MOB3B: variants seen among roughly 807,000 people sequenced by gnomAD.
MOB3B encodes MOB kinase activator 3B, also known as MOB kinase activator-like 2B.
In MOB3B, 7 loss-of-function variants were observed where a neutral mutation model predicts 18.7. That is an observed-to-expected ratio of 0.37 (90% CI 0.21 to 0.70). MOB3B has a LOEUF of 0.70. Among genes scored for constraint, MOB3B ranks in the 30% least tolerant of loss-of-function variants. MOB3B has a pLI of 0.52. For synonymous variants in MOB3B, 111 were observed against 99.9 expected (o/e 1.11, Z -0.66); for missense variants, 253 against 281.3 (o/e 0.90, Z 0.72).
chr9:27,380,089 A>G (rs570624202), intron 2 of MOB3B, among the ~76,000 whole-genome samples: 55 of 152,066 alleles, frequency 3.6e-4, no homozygotes, highest in Middle Eastern at 6.8e-3. Flanking sequence ...AGCTGGATCA[A>G]CCCCTGTATC....
intron 2 of MOB3B, among the ~76,000 whole-genome samples, chr9:27,400,935 T>A (rs562201212): frequency 6.6e-6 from 1 of 152,348 alleles, no homozygotes; most frequent in Admixed American, 6.5e-5. Context: ...ATCACAAGGT[T>A]CCTCATTTCC....
intron 2 of MOB3B, among the ~76,000 whole-genome samples, chr9:27,437,543 T>A (rs146886451): frequency 6.6e-6 from 1 of 152,344 alleles, no homozygotes; most frequent in East Asian, 1.9e-4. Context: ...TTGATGAATA[T>A]GACGAATATA....
intron 1 of MOB3B, among the ~76,000 whole-genome samples, chr9:27,489,551 T>C (rs1819782389): frequency 6.6e-6 from 1 of 152,138 alleles, no homozygotes; most frequent in Non-Finnish European, 1.5e-5. Context: ...GTTGCTGGTA[T>C]ACAATGCTGC....
At chr9:27,366,469 G>C (rs1821343689) in intron 2 of MOB3B, among the ~76,000 whole-genome samples, 1 of 151,632 alleles carries the variant, frequency 6.6e-6, no homozygotes, top group Admixed American at 6.6e-5. Context: ...TCCTTTTCAG[G>C]CACCTCTGAA....
At chr9:27,524,341 G>A (rs1479305666) in intron 1 of MOB3B, 2 of 1,607,882 alleles carry the variant, frequency 1.2e-6, no homozygotes, top group South Asian at 2.2e-5. Flanking sequence ...AAAAAAATGA[G>A]CACCAAACCT....
At chr9:27,427,005 A>G (rs751320422) in intron 2 of MOB3B, among the ~76,000 whole-genome samples, 1 of 152,212 alleles carries the variant, frequency 6.6e-6, no homozygotes, top group African/African-American at 2.4e-5. Context: ...GTGCCAATTT[A>G]GGAAGAGAAC....
intron 1 of MOB3B, among the ~76,000 whole-genome samples, chr9:27,479,454 C>G (rs1294098035): frequency 6.6e-6 from 1 of 152,130 alleles, no homozygotes; most frequent in Non-Finnish European, 1.5e-5. Context: ...CATATTCAAA[C>G]AGAGGGTGAA....
intron 2 of MOB3B, among the ~76,000 whole-genome samples, chr9:27,363,561 C>A (rs1488148588): frequency 3.2e-4 from 48 of 151,006 alleles, no homozygotes; most frequent in Non-Finnish European, 1.0e-4. Context: ...ATCCACCACG[C>A]CCGGCTCAGT....
chr9:27,388,701 G>C (rs148086893), intron 2 of MOB3B, among the ~76,000 whole-genome samples: 3 of 151,968 alleles, frequency 2.0e-5, no homozygotes, highest in Admixed American at 1.3e-4. Context: ...AATTTAACCT[G>C]TCTAACACAT....
chr9:27,432,260 CT>C (rs563074798), intron 2 of MOB3B, among the ~76,000 whole-genome samples: 8 of 150,036 alleles, frequency 5.3e-5, no homozygotes, highest in East Asian at 2.0e-4. Context: ...TGTAAGATTT[CT>C]TTTTTTTTTC....
intron 2 of MOB3B, among the ~76,000 whole-genome samples, chr9:27,449,187 T>C (rs1822743436): frequency 6.6e-6 from 1 of 152,210 alleles, no homozygotes; most frequent in African/African-American, 2.4e-5. Context: ...ACCTGAAGTA[T>C]TTATAACCCT....
At chr9:27,385,251 G>T (rs951977428) in intron 2 of MOB3B, among the ~76,000 whole-genome samples, 3 of 152,124 alleles carry the variant, frequency 2.0e-5, no homozygotes, top group African/African-American at 7.2e-5. Context: ...TTATAGCAAA[G>T]TAGGACACAC....
At chr9:27,429,952 C>G (rs1016502571) in intron 2 of MOB3B, among the ~76,000 whole-genome samples, 19 of 152,188 alleles carry the variant, frequency 1.2e-4, no homozygotes, top group Admixed American at 9.2e-4. Context: ...GCAGACAGAT[C>G]AGTGCCTGCA....
intron 3 of MOB3B, among the ~76,000 whole-genome samples, chr9:27,354,658 A>T (rs1022157721): frequency 2.6e-5 from 4 of 152,200 alleles, no homozygotes; most frequent in African/African-American, 9.7e-5. Context: ...TCATCCTTAA[A>T]GTACTCTCCC....
At position 27,364,437 on chromosome 9, in the gene MOB3B, A is replaced by G. The variant is rs890908356; in HGVS notation, c.419-5201T>C. Among the ~76,000 whole-genome samples the G allele has an allele frequency of 2.3e-4, 35 of 152,360 alleles. 1 individual carries two copies. In the South Asian group the frequency reaches 5.0e-3, roughly 22 times the overall value. On this transcript the variant is annotated intron_variant, in intron 2 of 3. Coordinates refer to ENST00000262244, the MANE Select transcript of MOB3B (RefSeq NM_024761.5). ...ATATATTGGCAAAAATGCTGTTTTCATAGAGGTTTACAACGTACCCAAGCA... is the reference window on the plus strand; with the variant it reads ...ATATATTGGCAAAAATGCTGTTTTCGTAGAGGTTTACAACGTACCCAAGCA...
At chr9:27,424,893 A>G (rs1332604417) in intron 2 of MOB3B, among the ~76,000 whole-genome samples, 1 of 152,202 alleles carries the variant, frequency 6.6e-6, no homozygotes, top group Non-Finnish European at 1.5e-5. Context: ...AACCTTCCAG[A>G]AACTGTCCTC....
chr9:27,503,762 A>T (rs1820020718), intron 1 of MOB3B, among the ~76,000 whole-genome samples: 1 of 152,228 alleles, frequency 6.6e-6, no homozygotes, highest in Non-Finnish European at 1.5e-5. Context: ...CTTTCAGCTG[A>T]GGGCCTCTCA....
At chr9:27,370,691 G>C (rs1196955190) in intron 2 of MOB3B, among the ~76,000 whole-genome samples, 1 of 152,156 alleles carries the variant, frequency 6.6e-6, no homozygotes, top group East Asian at 1.9e-4. Context: ...ATAAACATTT[G>C]TTGTTTATAA....
chr9:27,524,363 A>G lies in MOB3B; in HGVS notation c.-199+5192T>C, dbSNP rs542956832. 4.4e-5 allele frequency: 71 copies of G among 1,612,458 alleles called. 1 individual carries two copies. The South Asian group carries it at 7.7e-4, about 17-fold the overall frequency. On this transcript the variant is annotated intron_variant, in intron 1 of 3. Coordinates refer to ENST00000262244, the MANE Select transcript of MOB3B (RefSeq NM_024761.5). Reference sequence around the variant, plus strand: ...TGAGCACCAAACCTGATATGATTCAAAAGTGTTTGTGGCTTGAGATCCTTA... The same window carrying G: ...TGAGCACCAAACCTGATATGATTCAGAAGTGTTTGTGGCTTGAGATCCTTA...
Sources: gnomAD v4.1 joint callset for allele counts (sites outside exome capture counted in the v4.1 genomes callset) on GRCh38, gnomAD v4.1.1 for gene constraint, MANE v1.5 for transcripts, NCBI Gene and HGNC (gene_info 2026-07-23, HGNC 2026-07-21) for gene names.